ERBB4: variants seen among roughly 807,000 people sequenced by gnomAD.
ERBB4 encodes erb-b2 receptor tyrosine kinase 4, also known as receptor tyrosine-protein kinase erbB-4.
Under a neutral mutation model 158.0 loss-of-function variants are expected in ERBB4, and 42 were observed. That is an observed-to-expected ratio of 0.27 (90% CI 0.21 to 0.34). The LOEUF (loss-of-function observed/expected upper bound fraction) is 0.34, where lower values mean the gene tolerates loss of function less well. ERBB4 is among the 10% of genes least tolerant of loss of function. The pLI is 1.00. For synonymous variants in ERBB4, 583 were observed against 558.7 expected, an observed-to-expected ratio of 1.04 and a Z score of -0.61; for missense variants, 1,333 against 1,624.1, an observed-to-expected ratio of 0.82 and a Z score of 3.08.
chr2:211,613,868 CA>C (rs1050713091), intron 19 of ERBB4, among the ~76,000 whole-genome samples: 5 of 151,998 alleles, frequency 3.3e-5, no homozygotes, highest in Admixed American at 6.6e-5. Flanking sequence ...GGAGGTTCCT[CA>C]AAAAACTAAA....
At chr2:212,114,937 A>C (rs763827219) in intron 2 of ERBB4, among the ~76,000 whole-genome samples, 4 of 152,216 alleles carry the variant, frequency 2.6e-5, no homozygotes, top group Non-Finnish European at 4.4e-5. Context: ...ACAGCCAACC[A>C]GCTCTTGTTG....
chr2:211,470,254 A>C (rs944395030), intron 20 of ERBB4, among the ~76,000 whole-genome samples: 1 of 152,128 alleles, frequency 6.6e-6, no homozygotes, highest in Non-Finnish European at 1.5e-5. Context: ...CAACATTGCC[A>C]TTTTTAAGAA....
intron 3 of ERBB4, among the ~76,000 whole-genome samples, chr2:211,790,782 GTTTTCCTTGAAAATATTCTT>G (rs1382865156): frequency 6.6e-6 from 1 of 151,830 alleles, no homozygotes; most frequent in East Asian, 1.9e-4. Flanking sequence ...TGTATTGTTT[GTTTTCCTTGAAAATATTCTT>G]TTTTCCTTTA....
chr2:212,533,131 T>C (rs1420585251), intron 1 of ERBB4, among the ~76,000 whole-genome samples: 3 of 152,168 alleles, frequency 2.0e-5, no homozygotes, highest in Non-Finnish European at 4.4e-5. Context: ...TTTGGGGAAA[T>C]TGCCCTCAAA....
At chr2:211,734,909 C>CA (rs570006497) in intron 5 of ERBB4, among the ~76,000 whole-genome samples, 5,668 of 69,040 alleles carry the variant, frequency 0.082, 370 homozygotes, top group Non-Finnish European at 0.11. Context: ...GAGACTCTGT[C>CA]AAAAAAAAAA....
At chr2:211,822,914 C>T (rs116788925) in intron 3 of ERBB4, among the ~76,000 whole-genome samples, 17 of 151,992 alleles carry the variant, frequency 1.1e-4, no homozygotes, top group African/African-American at 3.6e-4. Context: ...TGAGAATGTG[C>T]CATTTCTATA....
intron 20 of ERBB4, among the ~76,000 whole-genome samples, chr2:211,541,226 A>G (rs1441408832): frequency 6.6e-6 from 1 of 151,956 alleles, no homozygotes; most frequent in Admixed American, 6.6e-5. Flanking sequence ...TTGATAAGCT[A>G]TAAAATATTT....
chr2:211,800,657 G>GT (rs2076478667), intron 3 of ERBB4, among the ~76,000 whole-genome samples: 1 of 112,610 alleles, frequency 8.9e-6, no homozygotes, highest in Non-Finnish European at 1.7e-5. Flanking sequence ...AAAACTGTGC[G>GT]TTAAAAAAAA....
intron 3 of ERBB4, among the ~76,000 whole-genome samples, chr2:211,916,313 G>A (rs1438131231): frequency 6.6e-6 from 1 of 151,964 alleles, no homozygotes; most frequent in Non-Finnish European, 1.5e-5. Flanking sequence ...CCGAGTATCT[G>A]GGATTACAGG....
intron 1 of ERBB4, among the ~76,000 whole-genome samples, chr2:212,368,733 C>T (rs2089980643): frequency 6.6e-6 from 1 of 152,022 alleles, no homozygotes; most frequent in African/African-American, 2.4e-5. Context: ...CATATACCAC[C>T]ACTCTTTTTT....
chr2:212,363,441 T>A (rs968055807), intron 1 of ERBB4, among the ~76,000 whole-genome samples: 4 of 151,492 alleles, frequency 2.6e-5, no homozygotes, highest in Non-Finnish European at 5.9e-5. Context: ...ACATGGATGC[T>A]TAAAAATTAA....
chr2:212,348,530 C>A (rs977457541), intron 1 of ERBB4, among the ~76,000 whole-genome samples: 3 of 152,054 alleles, frequency 2.0e-5, no homozygotes, highest in Non-Finnish European at 2.9e-5. Flanking sequence ...AACTCAAATT[C>A]GTAACACATC....
intron 1 of ERBB4, among the ~76,000 whole-genome samples, chr2:212,181,600 CT>C (rs1237141139): frequency 6.6e-6 from 1 of 151,706 alleles, no homozygotes; most frequent in African/African-American, 2.4e-5. Flanking sequence ...CAGAAATCTT[CT>C]GCTTTTACTG....
At chr2:212,196,121 G>A (rs755149625) in intron 1 of ERBB4, among the ~76,000 whole-genome samples, 2 of 151,966 alleles carry the variant, frequency 1.3e-5, no homozygotes, top group African/African-American at 2.4e-5. Context: ...GGTAACTTTC[G>A]ATTCCCCTAA....
At chr2:211,904,640 T>C (rs931067614) in intron 3 of ERBB4, among the ~76,000 whole-genome samples, 2 of 152,136 alleles carry the variant, frequency 1.3e-5, no homozygotes, top group Non-Finnish European at 2.9e-5. Flanking sequence ...CCACAGTTGA[T>C]TAATAGTTTC....
Position 212,339,922 on chromosome 2 carries a change from C to G in ERBB4, c.82+198527G>C, listed in dbSNP as rs577959472. 3.9e-5 allele frequency among the ~76,000 whole-genome samples: 6 copies of G among 152,140 alleles called. No homozygotes were observed. The East Asian group carries it at 1.2e-3, about 29-fold the overall frequency. ...CTATAATTCCCACAGTTACGATATACATTTTTAAAAATTGTTTAAATACAC... is the reference window on the plus strand; with the variant it reads ...CTATAATTCCCACAGTTACGATATAGATTTTTAAAAATTGTTTAAATACAC... On this transcript the variant is annotated intron_variant, in intron 1 of 27. Coordinates refer to ENST00000342788, the MANE Select transcript of ERBB4 (RefSeq NM_005235.3).
intron 1 of ERBB4, among the ~76,000 whole-genome samples, chr2:212,235,525 T>G (rs1297181432): frequency 1.5e-4 from 23 of 152,186 alleles, no homozygotes; most frequent in Admixed American, 1.4e-3. Context: ...GGTAGCTTGA[T>G]GGGGATGGCA....
chr2:211,580,871 A>AGTATG (rs1323939984), intron 19 of ERBB4, among the ~76,000 whole-genome samples: 6 of 416 alleles, frequency 0.014, no homozygotes, highest in Admixed American at 0.079. Flanking sequence ...ATATACATAT[A>AGTATG]TATATATATA....
chr2:211,510,659 A>G (rs961768569), intron 20 of ERBB4, among the ~76,000 whole-genome samples: 1 of 152,086 alleles, frequency 6.6e-6, no homozygotes, highest in Non-Finnish European at 1.5e-5. Flanking sequence ...TCAATTATAT[A>G]TCTCTCTCTG....
Sources: gnomAD v4.1 joint callset for allele counts (sites outside exome capture counted in the v4.1 genomes callset) on GRCh38, gnomAD v4.1.1 for gene constraint, MANE v1.5 for transcripts, NCBI Gene and HGNC (gene_info 2026-07-23, HGNC 2026-07-21) for gene names.